Variants in TGFBR1 observed in about 807,000 individuals in gnomAD.
The protein encoded by TGFBR1 is transforming growth factor beta receptor 1, also known as TGF-beta receptor type-1.
In TGFBR1, 20 loss-of-function variants were observed where a neutral mutation model predicts 55.1. That is an observed-to-expected ratio of 0.36 (90% CI 0.26 to 0.53). TGFBR1 has a LOEUF of 0.53. Ranked by LOEUF, TGFBR1 falls within the 20% of genes least tolerant of loss-of-function variation. TGFBR1 has a pLI of 0.91. For missense variants in TGFBR1, 385 were observed against 617.6 expected, an observed-to-expected ratio of 0.62 and a Z score of 3.99; for synonymous variants, 220 against 214.8, an observed-to-expected ratio of 1.02 and a Z score of -0.21.
chr9:99,120,441 A>G (rs1338179957), intron 1 of TGFBR1, among the ~76,000 whole-genome samples: 5 of 152,328 alleles, frequency 3.3e-5, no homozygotes, highest in South Asian at 2.1e-4. Context: ...TCTGCTCTGT[A>G]TATTAAAATA....
rs550982787 is a variant in TGFBR1 at position 99,132,065 on chromosome 9, A to G, written c.344-444A>G. ...GGTTTTTTTTTTCGCTTGTTTTGAT[A>G]TTTTGTTGTTTTTTTTGTTGTTGTT... is the stretch of plus-strand genomic sequence containing the variant. On this transcript the variant is annotated intron_variant, in intron 2 of 8. Coordinates refer to ENST00000374994, the MANE Select transcript of TGFBR1 (RefSeq NM_004612.4). 4.7e-5 allele frequency among the ~76,000 whole-genome samples: 7 copies of G among 149,780 alleles called. No individual in the cohort carries two copies. In the South Asian group the frequency reaches 1.5e-3, roughly 31 times the overall value.
intron 4 of TGFBR1, among the ~76,000 whole-genome samples, chr9:99,139,760 C>T (rs1827553280): frequency 6.6e-6 from 1 of 152,168 alleles, no homozygotes; most frequent in Admixed American, 6.5e-5. Context: ...AATTATGATT[C>T]TAAGTCCACA....
At chr9:99,141,075 C>T (rs1466752833) in intron 4 of TGFBR1, among the ~76,000 whole-genome samples, 1 of 152,156 alleles carries the variant, frequency 6.6e-6, no homozygotes, top group Non-Finnish European at 1.5e-5. Context: ...TATTTATGGC[C>T]CCTTACATAT....
At chr9:99,135,847 T>G (rs1416117134) in intron 3 of TGFBR1, among the ~76,000 whole-genome samples, 2 of 149,394 alleles carry the variant, frequency 1.3e-5, no homozygotes, top group African/African-American at 4.9e-5. Context: ...AGAAGAAAAT[T>G]GTTACTTTTT....
chr9:99,146,506 C>T lies in TGFBR1; in HGVS notation c.1152C>T (p.Leu384=), dbSNP rs115324990. ...GTKRYMAPEV[L]DDSINMKHFE... ...TTAGGTACATGGCCCCTGAAGTTCT[C>T]GATGATTCCATAAATATGAAACATT... The change falls in exon 7 of 9, where the codon CTC becomes CTT. Residue 384 remains leucine, a synonymous_variant. Coordinates refer to ENST00000374994, the MANE Select transcript of TGFBR1 (RefSeq NM_004612.4). 4.7e-4 allele frequency: 763 copies of T among 1,613,806 alleles called. 3 individuals carry two copies. The African/African-American group carries it at 8.9e-3, about 19-fold the overall frequency.
At chr9:99,140,826 A>G (rs1827594143) in intron 4 of TGFBR1, among the ~76,000 whole-genome samples, 1 of 152,196 alleles carries the variant, frequency 6.6e-6, no homozygotes, top group African/African-American at 2.4e-5. Flanking sequence ...ATTTTGTCAC[A>G]TTCCAAGTTA....
intron 3 of TGFBR1, among the ~76,000 whole-genome samples, chr9:99,135,284 TAGC>T (rs1827397421): frequency 6.6e-6 from 1 of 152,148 alleles, no homozygotes; most frequent in Admixed American, 6.5e-5. Flanking sequence ...TGGTGAATAA[TAGC>T]AGAAAATGCC....
rs12683974 is a variant in TGFBR1, at chr9:99,109,459, C to T, written c.97+4157C>T. 8.6e-3 allele frequency among the ~76,000 whole-genome samples: 1,302 copies of T among 152,220 alleles called. 6 individuals carry two copies. The highest frequency in any genetic ancestry group is 0.033 in the East Asian group (170 of 5,180). On this transcript the variant is annotated intron_variant, in intron 1 of 8. Coordinates refer to ENST00000374994, the MANE Select transcript of TGFBR1 (RefSeq NM_004612.4). ...TAAATCTTGTTCCTGTGAGGAGGGC[C>T]GCTCATGTAGGGAAGACCCCTGTCA...
intron 1 of TGFBR1, among the ~76,000 whole-genome samples, chr9:99,112,445 C>A (rs1288338866): frequency 6.6e-6 from 1 of 152,218 alleles, no homozygotes; most frequent in African/African-American, 2.4e-5. Flanking sequence ...TTCTCTGTAA[C>A]AATACCTTCT....
In TGFBR1 at chr9:99,149,457, G is replaced by A; in HGVS notation, c.*152G>A. 9.3e-7 allele frequency: 1 copy of A among 1,078,326 alleles called. No individual in the cohort carries two copies. The highest frequency in any genetic ancestry group is 1.4e-6 in the Non-Finnish European group (1 of 733,364). 66.8% of individuals were successfully genotyped at this position (1,078,326 alleles called of 1,614,324 possible). Reference sequence around the variant, plus strand: ...ATAAAGTCAATTAAAAACTTCCCAGGATTTCTTTGGACCCAGGAAACAGCC... The same window carrying A: ...ATAAAGTCAATTAAAAACTTCCCAGAATTTCTTTGGACCCAGGAAACAGCC... On this transcript the variant is annotated 3_prime_UTR_variant, in exon 9 of 9. Transcript: ENST00000374994.
rs187516199 is a variant in TGFBR1 at position 99,149,039 on chromosome 9, A to G, written c.1387-141A>G. Reference sequence around the variant, plus strand: ...ATTGATGGAAATTTATGTAATTTCTACTCATTTGCTATTACAAATAATGCT... The same window carrying G: ...ATTGATGGAAATTTATGTAATTTCTGCTCATTTGCTATTACAAATAATGCT... On this transcript the variant is annotated intron_variant, in intron 8 of 8. Coordinates refer to ENST00000374994, the MANE Select transcript of TGFBR1 (RefSeq NM_004612.4). The G allele has an allele frequency of 3.9e-3, 3,346 of 868,104 alleles. 16 individuals carry two copies. The highest frequency in any genetic ancestry group is 5.2e-3 in the Non-Finnish European group (2,922 of 565,924). The allele number at this position is 868,104 out of a possible 1,614,324, so 53.8% of individuals were successfully genotyped here.
At chr9:99,139,168 G>C (rs1170516811) in intron 4 of TGFBR1, among the ~76,000 whole-genome samples, 1 of 149,040 alleles carries the variant, frequency 6.7e-6, no homozygotes, top group African/African-American at 2.5e-5. Flanking sequence ...CCCTACCCCT[G>C]AATCAAATGT....
At chr9:99,106,099 C>A (rs181842474) in intron 1 of TGFBR1, among the ~76,000 whole-genome samples, 1 of 152,242 alleles carries the variant, frequency 6.6e-6, no homozygotes, top group Non-Finnish European at 1.5e-5. Context: ...GCTCATTCTG[C>A]GGGTTTTGGA....
chr9:99,120,614 A>G (rs908053284), intron 1 of TGFBR1, among the ~76,000 whole-genome samples: 5 of 152,162 alleles, frequency 3.3e-5, no homozygotes, highest in Admixed American at 1.3e-4. Context: ...ATAGTCTTTC[A>G]TTTATGATTG....
At chr9:99,117,179 CTGG>C (rs1474496547) in intron 1 of TGFBR1, among the ~76,000 whole-genome samples, 1 of 151,980 alleles carries the variant, frequency 6.6e-6, no homozygotes, top group Non-Finnish European at 1.5e-5. Context: ...CCTCTGCCTC[CTGG>C]GTTCAAGTGA....
chr9:99,124,524 TG>T (rs35128947), intron 1 of TGFBR1, among the ~76,000 whole-genome samples: 209 of 151,254 alleles, frequency 1.4e-3, no homozygotes, highest in African/African-American at 4.8e-3. Flanking sequence ...AATAAAAGGT[TG>T]GGGGGGGCAG....
chr9:99,131,090 A>G (rs1827209835), intron 2 of TGFBR1, among the ~76,000 whole-genome samples: 1 of 152,208 alleles, frequency 6.6e-6, no homozygotes. Flanking sequence ...AAGACAGAAT[A>G]CCAGGCAAAA....
chr9:99,144,916 A>G, intron 6 of TGFBR1, 28 bp downstream of exon 6: 3 of 1,610,432 alleles, frequency 1.9e-6, no homozygotes, highest in South Asian at 1.1e-5. Context: ...TATATTTAAT[A>G]TCTTCTGAAA....
Position 99,147,739 on chromosome 9 carries a change from A to G in TGFBR1, c.1341A>G (p.Glu447=). 1 of 1,613,876 alleles carries G rather than the reference A, an allele frequency of 6.2e-7. No homozygotes were observed. Among genetic ancestry groups the G allele is most frequent in the Non-Finnish European group, 8.5e-7 (1 of 1,179,854 alleles). ...AAGAAATGAGAAAAGTTGTTTGTGAACAGAAGTTAAGGCCAAATATCCCAA... is the reference window on the plus strand; with the variant it reads ...AAGAAATGAGAAAAGTTGTTTGTGAGCAGAAGTTAAGGCCAAATATCCCAA... The part of the protein sequence containing the change: ...SVEEMRKVVC[E]QKLRPNIPNR... Residue 447 remains glutamate (E), a synonymous_variant, in exon 8 of 9, where the codon GAA becomes GAG. Coordinates refer to ENST00000374994, the MANE Select transcript of TGFBR1 (RefSeq NM_004612.4).
Sources: allele counts gnomAD v4.1 joint callset (sites outside exome capture counted in the v4.1 genomes callset), GRCh38; gene constraint gnomAD v4.1.1; transcripts MANE v1.5; gene names NCBI Gene and HGNC (gene_info 2026-07-23, HGNC 2026-07-21).